FMN1: variants seen among roughly 807,000 people sequenced by gnomAD.
FMN1 encodes formin 1.
A neutral mutation model predicts 132.4 loss-of-function variants in FMN1; 110 were observed. The ratio of observed to expected loss-of-function variants is 0.83; its 90% CI spans 0.71 to 0.97. FMN1 has a LOEUF of 0.97. Ranked by LOEUF, FMN1 falls within the 50% of genes least tolerant of loss-of-function variation. FMN1 has a pLI of 0.00. For missense variants in FMN1, 1,792 were observed against 1,705.3 expected (o/e 1.05, Z -0.90); for synonymous variants, 722 against 651.7 (o/e 1.11, Z -1.64).
chr15:32,790,062 A>G (rs2057020284), intron 19 of FMN1, among the ~76,000 whole-genome samples: 1 of 152,222 alleles, frequency 6.6e-6, no homozygotes, highest in East Asian at 1.9e-4. Context: ...ACGTGTTTAA[A>G]TTAAGTGCTG....
chr15:33,107,644 C>G (rs930487802), intron 4 of FMN1, among the ~76,000 whole-genome samples: 2 of 152,194 alleles, frequency 1.3e-5, no homozygotes, highest in African/African-American at 4.8e-5. Flanking sequence ...TCACATCACT[C>G]AAGTTCAAGT....
chr15:33,194,190 CAAAAAAAAAAAAAAAA>C (rs61236935), intron 1 of FMN1, 130 bp from the exon 2 acceptor site: 1 of 22,542 alleles, frequency 4.4e-5, no homozygotes, highest in South Asian at 1.3e-3. Context: ...CATCCAGCTT[CAAAAAAAAAAAAAAAA>C]AAAAAAAAAA....
intron 5 of FMN1, chr15:33,066,512 C>A: frequency 6.5e-7 from 1 of 1,531,308 alleles, no homozygotes. Flanking sequence ...TCTACATACA[C>A]TTTTGGAATC....
intron 3 of FMN1, among the ~76,000 whole-genome samples, chr15:33,179,969 A>C (rs991156724): frequency 1.6e-4 from 24 of 152,208 alleles, no homozygotes; most frequent in African/African-American, 5.5e-4. Flanking sequence ...CTTTGAAATC[A>C]GGAGCGTAAA....
At position 33,013,548 on chromosome 15, in the gene FMN1, A is replaced by G. The variant is rs149038984; in HGVS notation, c.2162-5473T>C. Among the ~76,000 whole-genome samples, 15 of 152,326 alleles carry G rather than the reference A, an allele frequency of 9.8e-5. No individual in the cohort carries two copies. In the East Asian group the frequency reaches 2.9e-3, roughly 29 times the overall value. On this transcript the variant is annotated intron_variant, in intron 6 of 20. Transcript: ENST00000616417. ...GTGTTAAATGAAAAATTATTCTTTA[A>G]ATTGGATATTTTTTACGAAATTATC...
At chr15:33,005,919 G>A (rs574027563) in intron 7 of FMN1, among the ~76,000 whole-genome samples, 1 of 152,210 alleles carries the variant, frequency 6.6e-6, no homozygotes, top group African/African-American at 2.4e-5. Flanking sequence ...TTTCTTCTAG[G>A]AGACAGAGGT....
intron 6 of FMN1, among the ~76,000 whole-genome samples, chr15:33,032,217 G>T (rs1345019737): frequency 6.6e-6 from 1 of 152,184 alleles, no homozygotes; most frequent in South Asian, 2.1e-4. Context: ...TTGGGAGGTT[G>T]ATTTGGTAGC....
intron 9 of FMN1, among the ~76,000 whole-genome samples, chr15:32,949,591 C>G (rs981915130): frequency 4.6e-5 from 7 of 151,984 alleles, no homozygotes; most frequent in Admixed American, 3.3e-4. Flanking sequence ...AAACCCAAAA[C>G]TATAAAAACT....
At chr15:32,998,757 T>G (rs980074106) in intron 7 of FMN1, among the ~76,000 whole-genome samples, 2 of 152,124 alleles carry the variant, frequency 1.3e-5, no homozygotes, top group African/African-American at 4.8e-5. Flanking sequence ...TGTTCAGGGG[T>G]TAAGACTCAG....
At chr15:32,782,544 A>C (rs1359099868) in intron 19 of FMN1, among the ~76,000 whole-genome samples, 1 of 152,258 alleles carries the variant, frequency 6.6e-6, no homozygotes, top group African/African-American at 2.4e-5. Flanking sequence ...AAAAGTATCC[A>C]CATTACTTTG....
intron 19 of FMN1, among the ~76,000 whole-genome samples, chr15:32,781,007 A>G (rs1005551523): frequency 6.6e-6 from 1 of 152,230 alleles, no homozygotes; most frequent in African/African-American, 2.4e-5. Context: ...ATCTGGGAAG[A>G]GAATGACACT....
intron 15 of FMN1, among the ~76,000 whole-genome samples, chr15:32,893,916 C>A (rs1473129394): frequency 6.6e-6 from 1 of 152,226 alleles, no homozygotes; most frequent in Non-Finnish European, 1.5e-5. Context: ...TCTGCCCATG[C>A]CAACCTAGGG....
chr15:32,889,509 T>C (rs1174760490), intron 15 of FMN1, among the ~76,000 whole-genome samples: 2 of 152,168 alleles, frequency 1.3e-5, no homozygotes, highest in African/African-American at 4.8e-5. Flanking sequence ...TCTGGCCTCA[T>C]TTTTACCTTC....
chr15:33,090,485 T>C (rs2038864398), intron 4 of FMN1, among the ~76,000 whole-genome samples: 1 of 152,162 alleles, frequency 6.6e-6, no homozygotes, highest in Admixed American at 6.5e-5. Context: ...GTGTCTATAG[T>C]TGCCCTCTAG....
At chr15:33,081,044 C>T (rs1481885065) in intron 5 of FMN1, among the ~76,000 whole-genome samples, 1 of 152,158 alleles carries the variant, frequency 6.6e-6, no homozygotes, top group East Asian at 1.9e-4. Context: ...TCAAGCCACT[C>T]GGACAAGTCA....
intron 5 of FMN1, among the ~76,000 whole-genome samples, chr15:33,070,486 G>A (rs2037956684): frequency 1.3e-5 from 2 of 151,656 alleles, no homozygotes; most frequent in South Asian, 4.2e-4. Flanking sequence ...TATAGATTTG[G>A]GCAAAATGGA....
At chr15:33,023,202 G>T (rs345850) in intron 6 of FMN1, among the ~76,000 whole-genome samples, 59,802 of 151,260 alleles carry the variant, frequency 0.4, 12,161 homozygotes, top group Admixed American at 0.48. Flanking sequence ...TAGTCTGGGG[G>T]TCTTACCTGG....
Position 32,925,195 on chromosome 15 carries a change from A to G in FMN1, c.3226+979T>C, listed in dbSNP as rs577787172. On this transcript the variant is annotated intron_variant, in intron 10 of 20. Coordinates refer to ENST00000616417, the MANE Select transcript of FMN1 (RefSeq NM_001277313.2). ...ATGACGTAACCAAATGAAGGAAAGT[A>G]TTCCTCCCTAGAAGTATTCCAGCTA... Among the ~76,000 whole-genome samples, 3 of 152,352 alleles carry G rather than the reference A, an allele frequency of 2.0e-5. No homozygotes were observed. The South Asian group carries it at 6.2e-4, about 32-fold the overall frequency.
chr15:32,795,682 C>T (rs896411054), intron 19 of FMN1, among the ~76,000 whole-genome samples: 1 of 151,934 alleles, frequency 6.6e-6, no homozygotes, highest in African/African-American at 2.4e-5. Context: ...TGCACATATT[C>T]AGAAGGGATA....
Sources: gnomAD v4.1 joint callset for allele counts (sites outside exome capture counted in the v4.1 genomes callset) on GRCh38, gnomAD v4.1.1 for gene constraint, MANE v1.5 for transcripts, NCBI Gene and HGNC (gene_info 2026-07-23, HGNC 2026-07-21) for gene names.